Variants in PPP2R5C observed in about 807,000 individuals in gnomAD.
PPP2R5C encodes the protein serine/threonine-protein phosphatase 2A 56 kDa regulatory subunit gamma isoform.
A neutral mutation model predicts 68.9 loss-of-function variants in PPP2R5C; 7 were observed. That is an observed-to-expected ratio of 0.10 (90% CI 0.06 to 0.19). The LOEUF is 0.19. Among genes scored for constraint, PPP2R5C ranks in the 10% least tolerant of loss-of-function variants. The probability of loss-of-function intolerance (pLI) is 1.00; values close to 1 mark genes in which losing one functional copy is unlikely to be tolerated. For missense variants in PPP2R5C, 348 were observed against 641.3 expected (o/e 0.54, Z 4.94); for synonymous variants, 210 against 222.2 (o/e 0.95, Z 0.49).
Position 101,762,621 on chromosome 14 carries a change from G to A in PPP2R5C, c.28-284G>A, listed in dbSNP as rs139782525. The stretch of plus-strand genomic sequence containing the variant: ...GGAGGGTAGAAAGGGATGTGATGTG[G>A]ATCTCAAAATGCCAGAAGCACTGTA... On this transcript the variant is annotated intron_variant, in intron 1 of 14. Coordinates refer to the PPP2R5C transcript ENST00000328724. 2.5e-3 allele frequency among the ~76,000 whole-genome samples: 383 copies of A among 152,184 alleles called. 3 individuals carry two copies. Among genetic ancestry groups the A allele is most frequent in the African/African-American group, 8.6e-3 (357 of 41,504 alleles).
intron 2 of PPP2R5C, among the ~76,000 whole-genome samples, chr14:101,764,801 C>CTTTTTTTTTTTTTTTTTTTTTCT: frequency 7.7e-6 from 1 of 129,372 alleles, no homozygotes; most frequent in Non-Finnish European, 1.6e-5. Flanking sequence ...TGCTATATGC[C>CTTTTTTTTTTTTTTTTTTTTTCT]TTTTTTTTTT....
intron 1 of PPP2R5C, among the ~76,000 whole-genome samples, chr14:101,844,630 A>G (rs577371911): frequency 6.6e-6 from 1 of 152,344 alleles, no homozygotes; most frequent in South Asian, 2.1e-4. Flanking sequence ...TGTCTGAGAC[A>G]TGGAGAAAGG....
intron 2 of PPP2R5C, among the ~76,000 whole-genome samples, chr14:101,775,901 C>T (rs2037391335): frequency 6.6e-6 from 1 of 152,104 alleles, no homozygotes; most frequent in African/African-American, 2.4e-5. Context: ...ACATCCTCCC[C>T]CAGGGACCCC....
Position 101,781,902 on chromosome 14 carries a change from CTA to C in PPP2R5C, c.94-4115_94-4114del, listed in dbSNP as rs2037717875. Among the ~76,000 whole-genome samples the C allele has an allele frequency of 6.6e-6, 1 of 151,846 alleles. No individual in the cohort carries two copies. The highest frequency in any genetic ancestry group is 2.4e-5 in the African/African-American group (1 of 41,324). On this transcript the variant is annotated intron_variant, in intron 2 of 14. Transcript: ENST00000328724. The surrounding 1 kb of genome is among the most constrained non-coding windows in gnomAD (Gnocchi z 6.4). ...CCGGAGCGGCACCCAGGAGCCCGCC[CTA>C]GCACCCGCTCCCGCTCCCACCTCGT...
chr14:101,772,801 A>C (rs1190884002), intron 2 of PPP2R5C, among the ~76,000 whole-genome samples: 2 of 152,200 alleles, frequency 1.3e-5, no homozygotes, highest in African/African-American at 4.8e-5. Flanking sequence ...GCCTCAAAAA[A>C]TAAATAAGTA....
intron 5 of PPP2R5C, among the ~76,000 whole-genome samples, chr14:101,885,027 C>T (rs921946092): frequency 2.6e-5 from 4 of 152,260 alleles, no homozygotes; most frequent in African/African-American, 9.6e-5. Context: ...AGGCATCTGA[C>T]TCCAGGATGT....
At chr14:101,810,383 C>T in intron 1 of PPP2R5C, 1 of 200,154 alleles carries the variant, frequency 5.0e-6, no homozygotes. Flanking sequence ...GCGGGCCTGT[C>T]GCGCCTGGCC....
chr14:101,910,070 G>A (rs2046298492), intron 11 of PPP2R5C, among the ~76,000 whole-genome samples: 1 of 152,198 alleles, frequency 6.6e-6, no homozygotes, highest in South Asian at 2.1e-4. Context: ...CAGAGAGCAA[G>A]AATCTTCATT....
At chr14:101,859,467 T>C (rs574414856) in intron 2 of PPP2R5C, among the ~76,000 whole-genome samples, 15 of 152,278 alleles carry the variant, frequency 9.9e-5, no homozygotes, top group African/African-American at 3.1e-4. Context: ...TTTCTTTCCT[T>C]TCTGCTCTAA....
intron 2 of PPP2R5C, among the ~76,000 whole-genome samples, chr14:101,777,131 G>A (rs1198587282): frequency 1.3e-5 from 2 of 151,706 alleles, no homozygotes; most frequent in Non-Finnish European, 2.9e-5. Flanking sequence ...CGCCCGCCTC[G>A]GCCTCCCAAA....
upstream of PPP2R5C, among the ~76,000 whole-genome samples, chr14:101,806,023 T>C (rs988642832): frequency 3.9e-5 from 6 of 152,244 alleles, no homozygotes; most frequent in Non-Finnish European, 7.3e-5. Flanking sequence ...GCCACAGAAC[T>C]GTATGCTGAA....
intron 2 of PPP2R5C, among the ~76,000 whole-genome samples, chr14:101,775,082 C>T (rs2037348203): frequency 6.6e-6 from 1 of 152,242 alleles, no homozygotes. Flanking sequence ...CTTGGAGAAG[C>T]TGCTAGTATT....
rs1318435626 is a variant in PPP2R5C, at chr14:101,879,314, C to T, written c.295-2847C>T. 2.6e-5 allele frequency: 4 copies of T among 152,512 alleles called. No homozygotes were observed. The highest frequency in any genetic ancestry group is 2.6e-4 in the Admixed American group (4 of 15,288). The allele number at this position is 152,512 out of a possible 1,614,324, so 9.4% of individuals were successfully genotyped here. On this transcript the variant is annotated intron_variant, in intron 2 of 13. Transcript: ENST00000334743. The surrounding 1 kb of genome is among the most constrained non-coding windows in gnomAD (Gnocchi z 4.2). ...TGACTCTTGGGCAGCAGGCCTCTTC[C>T]AGAGGGACGGCTGTTTCCTCTCCCC...
intron 2 of PPP2R5C, among the ~76,000 whole-genome samples, chr14:101,770,835 G>A (rs2037107361): frequency 2.0e-5 from 3 of 152,254 alleles, no homozygotes; most frequent in Admixed American, 6.5e-5. Context: ...CATCCTTAGC[G>A]GAGCTGAGTG....
chr14:101,880,698 G>A (rs1279374015), intron 2 of PPP2R5C, among the ~76,000 whole-genome samples: 1 of 152,186 alleles, frequency 6.6e-6, no homozygotes, highest in Admixed American at 6.5e-5. Flanking sequence ...TTGGGAGGCT[G>A]GGGCAGGAGG....
chr14:101,924,261 C>G (rs2047164090), intron 13 of PPP2R5C, among the ~76,000 whole-genome samples: 1 of 151,728 alleles, frequency 6.6e-6, no homozygotes, highest in Admixed American at 6.6e-5. Flanking sequence ...TTATCCAAAT[C>G]CTCATGCAAA....
intron 2 of PPP2R5C, among the ~76,000 whole-genome samples, chr14:101,874,389 C>T (rs1379131230): frequency 6.6e-6 from 1 of 152,192 alleles, no homozygotes; most frequent in Non-Finnish European, 1.5e-5. Context: ...ATTCTTTCAA[C>T]TTTATTGCAT....
Position 101,906,703 on chromosome 14 carries a change from G to A in PPP2R5C, c.1151+174G>A. 1 of 827,012 alleles carries A rather than the reference G, an allele frequency of 1.2e-6. No individual in the cohort carries two copies. Among genetic ancestry groups the A allele is most frequent in the Non-Finnish European group, 1.8e-6 (1 of 550,502 alleles). The allele number at this position is 827,012 out of a possible 1,614,324, so 51.2% of individuals were successfully genotyped here. A position where few individuals can be genotyped will look rare whatever the true frequency, so the allele number is the denominator to read the frequency against. ...AGCGTGGGTTGTTTCTGTGGCCGTT[G>A]AATTTACCACCTTATACCTTCATTC... On this transcript the variant is annotated intron_variant, in intron 10 of 13. Transcript: ENST00000334743. The surrounding 1 kb of genome is among the most constrained non-coding windows in gnomAD (Gnocchi z 4.0).
chr14:101,925,708 G>A (rs2141231424), exon 14 of PPP2R5C: 1 of 153,716 alleles, frequency 6.5e-6, no homozygotes, highest in Admixed American at 6.5e-5. Flanking sequence ...CCTTTGAAAT[G>A]GTTTCCACGT....
Sources: allele counts gnomAD v4.1 joint callset (sites outside exome capture counted in the v4.1 genomes callset), GRCh38; gene constraint gnomAD v4.1.1; non-coding constraint Gnocchi (gnomAD v3.1); transcripts MANE v1.5; gene names NCBI Gene and HGNC (gene_info 2026-07-23, HGNC 2026-07-21).